Variants in RTL4 observed in about 807,000 individuals in gnomAD.
The protein encoded by RTL4 is retrotransposon Gag-like protein 4.
RTL4 carries 4 observed loss-of-function variants against 5.3 expected under a neutral mutation model. The observed-to-expected ratio is 0.75, with a 90% confidence interval of 0.37 to 1.72. RTL4 has a LOEUF of 1.72. RTL4 is among the 40% of genes most tolerant of loss of function. The pLI, the probability that RTL4 is intolerant of heterozygous loss-of-function variation, is 0.04. For synonymous variants in RTL4, 98 were observed against 87.3 expected, an observed-to-expected ratio of 1.12 and a Z score of -0.68; for missense variants, 260 against 227.1, an observed-to-expected ratio of 1.14 and a Z score of -0.93.
the RTL4 span, among the ~76,000 whole-genome samples, chrX:112,147,276 C>T: frequency 2.7e-5 from 3 of 111,101 alleles, no homozygotes; most frequent in East Asian, 8.6e-4. Context: ...TCCTATCTAC[C>T]GAACTGGACT....
chrX:112,297,724 C>A, the RTL4 span, among the ~76,000 whole-genome samples: 2 of 111,463 alleles, frequency 1.8e-5, no homozygotes, highest in African/African-American at 6.5e-5. Context: ...CTAGGTCTGT[C>A]CCCCCAACAA....
At chrX:112,431,378 C>G in the RTL4 span, among the ~76,000 whole-genome samples, 1 of 112,106 alleles carries the variant, frequency 8.9e-6, no homozygotes, top group Non-Finnish European at 1.9e-5. Flanking sequence ...ACAGTATTCA[C>G]TGTGAGGACC....
At chrX:112,191,322 CAACA>C in the RTL4 span, among the ~76,000 whole-genome samples, 1 of 111,486 alleles carries the variant, frequency 9.0e-6, no homozygotes, top group Non-Finnish European at 1.9e-5. Flanking sequence ...ACGGACAGAA[CAACA>C]AACTTGGAAA....
At chrX:112,328,743 A>G in the RTL4 span, among the ~76,000 whole-genome samples, 50 of 111,948 alleles carry the variant, frequency 4.5e-4, no homozygotes, top group Admixed American at 2.7e-3. Context: ...ACCAAAATTG[A>G]CCACATACTT....
chrX:112,206,584 C>T, the RTL4 span, among the ~76,000 whole-genome samples: 2 of 111,099 alleles, frequency 1.8e-5, no homozygotes, highest in African/African-American at 6.6e-5. Flanking sequence ...CTTTCCCTGG[C>T]TTCTAAAGTT....
chrX:112,191,918 C>A, the RTL4 span, among the ~76,000 whole-genome samples: 2 of 111,466 alleles, frequency 1.8e-5, no homozygotes, highest in Non-Finnish European at 1.9e-5. Context: ...TCTTTAATTT[C>A]TTTCAATAAT....
the RTL4 span, among the ~76,000 whole-genome samples, chrX:112,336,842 G>A: frequency 8.9e-6 from 1 of 112,117 alleles, no homozygotes; most frequent in Non-Finnish European, 1.9e-5. Context: ...GACAGGGCTT[G>A]TTGTCCCTAT....
chrX:112,419,603 ATGTATATG>A, the RTL4 span, among the ~76,000 whole-genome samples: 4 of 22,447 alleles, frequency 1.8e-4, no homozygotes, highest in African/African-American at 2.7e-4. Context: ...ATTTTTACAT[ATGTATATG>A]TATATATATA....
chrX:112,219,773 T>G, the RTL4 span, among the ~76,000 whole-genome samples: 1 of 112,512 alleles, frequency 8.9e-6, no homozygotes, highest in African/African-American at 3.2e-5. Context: ...TTTGGATATA[T>G]TCTCAAATTT....
At chrX:112,425,479 G>A in the RTL4 span, among the ~76,000 whole-genome samples, 1 of 110,968 alleles carries the variant, frequency 9.0e-6, no homozygotes. Context: ...GTAAGAGGAC[G>A]ATTAGTTTTG....
chrX:112,250,286 AAAAAAGAAAAG>A, the RTL4 span, among the ~76,000 whole-genome samples: 1 of 111,141 alleles, frequency 9.0e-6, no homozygotes, highest in Non-Finnish European at 1.9e-5. Flanking sequence ...CTCAAAAAAA[AAAAAAGAAAAG>A]AAAAAGAAAA....
the RTL4 span, among the ~76,000 whole-genome samples, chrX:112,158,203 G>C: frequency 1.8e-5 from 2 of 111,523 alleles, 1 homozygote; most frequent in African/African-American, 6.5e-5. Context: ...GCCTAAAGCA[G>C]AAAGTCTTCT....
chrX:112,234,031 A>T, the RTL4 span, among the ~76,000 whole-genome samples: 1 of 109,687 alleles, frequency 9.1e-6, no homozygotes, highest in African/African-American at 3.3e-5. Context: ...TCTCTACTGA[A>T]AATACAAAAA....
At chrX:112,292,306 G>T in the RTL4 span, among the ~76,000 whole-genome samples, 1 of 111,690 alleles carries the variant, frequency 9.0e-6, no homozygotes, top group Non-Finnish European at 1.9e-5. Context: ...AAGACCTTTA[G>T]TTGTGCTTTG....
At chrX:112,119,426 G>A in the RTL4 span, among the ~76,000 whole-genome samples, 2 of 110,685 alleles carry the variant, frequency 1.8e-5, no homozygotes, top group African/African-American at 6.6e-5. Flanking sequence ...CAGTTGTCAC[G>A]ATTGCAGTGA....
At chrX:112,162,707 T>G in the RTL4 span, among the ~76,000 whole-genome samples, 1 of 111,884 alleles carries the variant, frequency 8.9e-6, no homozygotes, top group Non-Finnish European at 1.9e-5. Flanking sequence ...TCACAGAAAT[T>G]TGTGGATTCA....
chrX:112,158,194 C>A, the RTL4 span, among the ~76,000 whole-genome samples: 1 of 111,319 alleles, frequency 9.0e-6, no homozygotes, highest in Admixed American at 9.6e-5. Flanking sequence ...GTAATCTCAG[C>A]CTAAAGCAGA....
At chrX:112,365,748 G>A in the RTL4 span, among the ~76,000 whole-genome samples, 11 of 111,277 alleles carry the variant, frequency 9.9e-5, no homozygotes, top group East Asian at 3.2e-3. Context: ...ATCCCATGCT[G>A]CCTGCCCACA....
the RTL4 span, among the ~76,000 whole-genome samples, chrX:112,103,928 G>A: frequency 9.4e-6 from 1 of 106,172 alleles, no homozygotes; most frequent in Non-Finnish European, 1.9e-5. Context: ...TTATATTTTA[G>A]CATTTTCAAA....
Sources: allele counts gnomAD v4.1 joint callset (sites outside exome capture counted in the v4.1 genomes callset), GRCh38; gene constraint gnomAD v4.1.1; transcripts MANE v1.5; gene names NCBI Gene and HGNC (gene_info 2026-07-23, HGNC 2026-07-21).